The following TENM2 variants were observed in gnomAD, a reference collection of about 807,000 sequenced individuals.
The protein encoded by TENM2 is teneurin-2.
In TENM2, 52 loss-of-function variants were observed where a neutral mutation model predicts 245.2. The observed-to-expected ratio is 0.21, with a 90% CI of 0.17 to 0.27. The LOEUF (loss-of-function observed/expected upper bound fraction) is 0.27, where lower values mean the gene tolerates loss of function less well. TENM2 is among the 10% of genes least tolerant of loss of function. The pLI is 1.00. For synonymous variants in TENM2, 1,363 were observed against 1,438.9 expected, an observed-to-expected ratio of 0.95 and a Z score of 1.19; for missense variants, 3,046 against 3,666.8, an observed-to-expected ratio of 0.83 and a Z score of 4.37.
intron 2 of TENM2, among the ~76,000 whole-genome samples, chr5:167,712,557 T>C (rs972617027): frequency 1.3e-5 from 2 of 152,160 alleles, no homozygotes; most frequent in African/African-American, 4.8e-5. Flanking sequence ...TCATTTTTTG[T>C]TTTATAGGGA....
intron 10 of TENM2, among the ~76,000 whole-genome samples, chr5:168,122,333 C>G (rs1386655748): frequency 1.3e-5 from 2 of 152,160 alleles, no homozygotes; most frequent in African/African-American, 2.4e-5. Context: ...CCGGCCACCA[C>G]GCCTGGCTAA....
rs755028211 is a variant in TENM2 at position 167,934,825 on chromosome 5, G to A, written c.713-17763G>A. ...CTGGCATGTGTGTGCTCAGCATCAC[G>A]GGCAGCTAGCAAAGACCAGTGCAAC... On this transcript the variant is annotated intron_variant, in intron 3 of 28. Coordinates refer to ENST00000518659, the Ensembl canonical transcript of TENM2. 21 of 983,438 alleles carry A rather than the reference G, an allele frequency of 2.1e-5. No individual in the cohort carries two copies. In the South Asian group the frequency reaches 2.4e-4, roughly 11 times the overall value. The allele number at this position is 983,438 out of a possible 1,614,324, so 60.9% of individuals were successfully genotyped here.
intron 2 of TENM2, among the ~76,000 whole-genome samples, chr5:167,431,862 G>A (rs1283563580): frequency 6.7e-6 from 1 of 149,024 alleles, no homozygotes; most frequent in Non-Finnish European, 1.5e-5. Flanking sequence ...TATTTACAGT[G>A]AGAATCATTA....
the TENM2 span, among the ~76,000 whole-genome samples, chr5:166,995,424 G>A: frequency 6.6e-6 from 1 of 151,552 alleles, no homozygotes; most frequent in Non-Finnish European, 1.5e-5. Flanking sequence ...TGTATTTTTA[G>A]TAGAGACAGG....
chr5:168,127,294 T>C (rs1795923385), intron 12 of TENM2, among the ~76,000 whole-genome samples: 2 of 152,198 alleles, frequency 1.3e-5, no homozygotes, highest in Non-Finnish European at 2.9e-5. Flanking sequence ...TCTGCAACTC[T>C]CCCCTTTTTA....
At chr5:167,124,829 A>G in the TENM2 span, among the ~76,000 whole-genome samples, 3 of 152,064 alleles carry the variant, frequency 2.0e-5, no homozygotes, top group South Asian at 2.1e-4. Flanking sequence ...TATAATTTCT[A>G]TTATTATTAT....
chr5:168,174,958 C>T (rs1759219891), intron 13 of TENM2, among the ~76,000 whole-genome samples: 1 of 152,180 alleles, frequency 6.6e-6, no homozygotes, highest in Non-Finnish European at 1.5e-5. Flanking sequence ...CCTTTTATGA[C>T]ATTCTGCTGC....
chr5:168,196,411 C>T lies in TENM2; in HGVS notation c.2900+1116C>T, dbSNP rs532012492. ...CACAGGATGGCAGATGTGTGCCTTG[C>T]AAAATTACTCTGGCCCTTGTTCGTT... On this transcript the variant is annotated intron_variant, in intron 15 of 28. Transcript: ENST00000518659. Among the ~76,000 whole-genome samples, 11 of 152,268 alleles carry T rather than the reference C, an allele frequency of 7.2e-5. No homozygotes were observed. The South Asian group carries it at 2.3e-3, about 31-fold the overall frequency.
At chr5:167,420,330 T>C (rs1763428459) in intron 2 of TENM2, among the ~76,000 whole-genome samples, 3 of 152,186 alleles carry the variant, frequency 2.0e-5, no homozygotes, top group African/African-American at 7.2e-5. Flanking sequence ...CCAAATAAAC[T>C]ATGTGGACTC....
At position 167,842,987 on chromosome 5, in the gene TENM2, G is replaced by A. The variant is rs191406198; in HGVS notation, c.503-32999G>A. Reference sequence around the variant, plus strand: ...GACACGATGAAATGCCTCCTACATAGCACTTACCTCAATTCGCAACAACAC... The same window carrying A: ...GACACGATGAAATGCCTCCTACATAACACTTACCTCAATTCGCAACAACAC... On this transcript the variant is annotated intron_variant, in intron 2 of 28. Transcript: ENST00000518659. 1.7e-4 allele frequency among the ~76,000 whole-genome samples: 26 copies of A among 152,212 alleles called. No individual in the cohort carries two copies. In the East Asian group the frequency reaches 3.9e-3, roughly 23 times the overall value.
chr5:167,230,044 C>G, the TENM2 span, among the ~76,000 whole-genome samples: 1 of 152,152 alleles, frequency 6.6e-6, no homozygotes, highest in Non-Finnish European at 1.5e-5. Flanking sequence ...CTTCTTGTGG[C>G]TCCTGCCTCA....
chr5:167,919,941 T>A (rs1175117603), intron 3 of TENM2, among the ~76,000 whole-genome samples: 1 of 152,166 alleles, frequency 6.6e-6, no homozygotes, highest in Admixed American at 6.5e-5. Context: ...GACATTCTTT[T>A]TTTTGGACGA....
intron 2 of TENM2, among the ~76,000 whole-genome samples, chr5:167,776,549 C>T (rs562149769): frequency 1.1e-3 from 132 of 122,078 alleles, no homozygotes; most frequent in East Asian, 2.5e-3. Context: ...TAGCCATGGT[C>T]GCACCACTGC....
At chr5:167,903,392 CAG>C (rs1345112940) in intron 3 of TENM2, among the ~76,000 whole-genome samples, 1 of 151,996 alleles carries the variant, frequency 6.6e-6, no homozygotes, top group African/African-American at 2.4e-5. Flanking sequence ...CAGAAAGAGA[CAG>C]GGTGCTGAGC....
At chr5:168,248,097 C>T in exon 27 of TENM2, 1 of 1,613,990 alleles carries the variant, frequency 6.2e-7, no homozygotes, top group Non-Finnish European at 8.5e-7. Context: ...GCCTCATGAT[C>T]AAACAGCTGC....
At chr5:166,993,335 T>C in the TENM2 span, among the ~76,000 whole-genome samples, 2 of 152,106 alleles carry the variant, frequency 1.3e-5, no homozygotes, top group Non-Finnish European at 2.9e-5. Flanking sequence ...ACTGGAGATA[T>C]TTGCACAGTA....
At chr5:167,721,641 C>T (rs1224677368) in intron 2 of TENM2, among the ~76,000 whole-genome samples, 2 of 152,142 alleles carry the variant, frequency 1.3e-5, no homozygotes, top group Non-Finnish European at 2.9e-5. Flanking sequence ...GGAAAATTTC[C>T]CCACTTAGAA....
intron 2 of TENM2, among the ~76,000 whole-genome samples, chr5:167,791,495 ATTTT>A (rs575634625): frequency 2.0e-5 from 1 of 50,304 alleles, no homozygotes; most frequent in Admixed American, 2.5e-4. Context: ...TATAATGTAT[ATTTT>A]TATATATTAT....
At chr5:168,242,505 C>G (rs1249076035) in intron 25 of TENM2, among the ~76,000 whole-genome samples, 1 of 152,238 alleles carries the variant, frequency 6.6e-6, no homozygotes, top group Non-Finnish European at 1.5e-5. Context: ...AACCACTTCA[C>G]TGCTGTGTGA....
Sources: allele counts gnomAD v4.1 joint callset (sites outside exome capture counted in the v4.1 genomes callset), GRCh38; gene constraint gnomAD v4.1.1; transcripts MANE v1.5; gene names NCBI Gene and HGNC (gene_info 2026-07-23, HGNC 2026-07-21).